ARMC2: variants seen among roughly 807,000 people sequenced by gnomAD.
ARMC2 encodes the protein armadillo repeat-containing protein 2.
ARMC2 carries 67 observed loss-of-function variants against 90.3 expected under a neutral mutation model. The observed-to-expected ratio is 0.74, with a 90% CI of 0.61 to 0.91. The LOEUF is 0.91. Among genes scored for constraint, ARMC2 ranks in the 40% least tolerant of loss-of-function variants. The pLI, the probability that ARMC2 is intolerant of heterozygous loss-of-function variation, is 0.00. For missense variants in ARMC2, 920 were observed against 1,030.9 expected (o/e 0.89, Z 1.47); for synonymous variants, 393 against 393.0 (o/e 1.00, Z 0.00).
intron 5 of ARMC2, among the ~76,000 whole-genome samples, chr6:108,890,867 T>C (rs2478997): frequency 0.19 from 29,230 of 151,860 alleles, 3,547 homozygotes; most frequent in East Asian, 0.34. Context: ...CAGCCCATCG[T>C]CTACATTAGG....
At chr6:108,957,847 G>A (rs1237531466) in intron 13 of ARMC2, among the ~76,000 whole-genome samples, 2 of 152,094 alleles carry the variant, frequency 1.3e-5, no homozygotes, top group African/African-American at 4.8e-5. Context: ...AATTATAGAG[G>A]GTAGGATGGT....
At chr6:108,994,110 A>G in the ARMC2 span, among the ~76,000 whole-genome samples, 1 of 149,016 alleles carries the variant, frequency 6.7e-6, no homozygotes, top group Non-Finnish European at 1.5e-5. Flanking sequence ...ACTGCACTTC[A>G]GCCTGGCAAC....
chr6:108,919,222 C>T (rs1234769085), intron 10 of ARMC2, among the ~76,000 whole-genome samples: 1 of 152,176 alleles, frequency 6.6e-6, no homozygotes, highest in African/African-American at 2.4e-5. Flanking sequence ...TGGCCGGGGT[C>T]TTTTAACTCT....
chr6:108,990,779 C>T, the ARMC2 span: 1 of 1,614,048 alleles, frequency 6.2e-7, no homozygotes, highest in East Asian at 2.2e-5. Flanking sequence ...TCAACTGTCC[C>T]ACATCTGGAT....
the ARMC2 span, among the ~76,000 whole-genome samples, chr6:109,033,074 G>GA: frequency 2.0e-5 from 3 of 152,130 alleles, no homozygotes; most frequent in Non-Finnish European, 4.4e-5. Context: ...GGATTCAGAG[G>GA]AGGGGAAAAA....
intron 1 of ARMC2, among the ~76,000 whole-genome samples, chr6:108,851,320 A>T (rs1020549440): frequency 9.2e-5 from 14 of 152,186 alleles, no homozygotes; most frequent in Non-Finnish European, 1.5e-5. Flanking sequence ...CTCTTCCAGG[A>T]AGTCTACCTG....
chr6:108,986,519 C>CAAAGT, the ARMC2 span: 1 of 152,648 alleles, frequency 6.6e-6, no homozygotes, highest in Non-Finnish European at 1.5e-5. Flanking sequence ...TTCCAGAATA[C>CAAAGT]AAAGTACTTA....
intron 12 of ARMC2, among the ~76,000 whole-genome samples, chr6:108,945,290 G>T (rs932608190): frequency 5.3e-5 from 8 of 152,026 alleles, no homozygotes; most frequent in Non-Finnish European, 1.2e-4. Flanking sequence ...AATACATTTG[G>T]GTTTGTTTTT....
intron 10 of ARMC2, among the ~76,000 whole-genome samples, chr6:108,912,973 G>C (rs2128473080): frequency 6.6e-6 from 1 of 152,312 alleles, no homozygotes; most frequent in Non-Finnish European, 1.5e-5. Flanking sequence ...GAAGGTAACG[G>C]GATTGAGTGG....
At chr6:108,976,558 T>C (rs1480797589), downstream of ARMC2, among the ~76,000 whole-genome samples, 1 of 152,228 alleles carries the variant, frequency 6.6e-6, no homozygotes, top group African/African-American at 2.4e-5. Context: ...AGTGGTAGCT[T>C]GATGGGGATA....
chr6:108,876,914 G>A (rs543166315), intron 5 of ARMC2, among the ~76,000 whole-genome samples: 2 of 152,188 alleles, frequency 1.3e-5, no homozygotes, highest in Non-Finnish European at 2.9e-5. Flanking sequence ...CCTAGATAGG[G>A]TTTCCTTGAG....
At chr6:108,850,662 A>T (rs1773912844) in intron 1 of ARMC2, among the ~76,000 whole-genome samples, 1 of 152,254 alleles carries the variant, frequency 6.6e-6, no homozygotes, top group Admixed American at 6.5e-5. Flanking sequence ...AATTCACTGT[A>T]ACAAATATCT....
At chr6:108,881,380 T>C (rs1777567933) in intron 5 of ARMC2, among the ~76,000 whole-genome samples, 1 of 142,766 alleles carries the variant, frequency 7.0e-6, no homozygotes, top group African/African-American at 2.6e-5. Flanking sequence ...GTTTTGTTAC[T>C]TGGAACATTG....
At chr6:109,002,273 C>A in the ARMC2 span, 1 of 1,612,310 alleles carries the variant, frequency 6.2e-7, no homozygotes, top group Non-Finnish European at 8.5e-7. Flanking sequence ...TCACAAACAA[C>A]GTACCTCCTT....
chr6:108,951,229 C>T (rs1345800497), intron 12 of ARMC2, among the ~76,000 whole-genome samples: 1 of 152,194 alleles, frequency 6.6e-6, no homozygotes, highest in Non-Finnish European at 1.5e-5. Flanking sequence ...TTAGTCTTTG[C>T]CGTTTCCCCA....
chr6:109,026,809 A>C, the ARMC2 span, among the ~76,000 whole-genome samples: 1 of 152,026 alleles, frequency 6.6e-6, no homozygotes, highest in Non-Finnish European at 1.5e-5. Flanking sequence ...GGCCAGGTTT[A>C]ACTTCTTAAG....
At chr6:108,910,568 C>T (rs954447783) in intron 8 of ARMC2, among the ~76,000 whole-genome samples, 1 of 152,214 alleles carries the variant, frequency 6.6e-6, no homozygotes, top group African/African-American at 2.4e-5. Context: ...CTGGCAACCC[C>T]ACTGCCAGGT....
intron 4 of ARMC2, 139 bp from the exon 5 acceptor site, chr6:108,876,004 C>T (rs887587105): frequency 2.4e-5 from 18 of 753,742 alleles, no homozygotes; most frequent in Non-Finnish European, 3.7e-5. Flanking sequence ...AAGGCTTTGG[C>T]CATAAAATTC....
chr6:108,997,829 A>G, the ARMC2 span, among the ~76,000 whole-genome samples: 1 of 152,218 alleles, frequency 6.6e-6, no homozygotes, highest in Admixed American at 6.5e-5. Context: ...CACTACAACA[A>G]AAGAATGCAG....
Sources: allele counts gnomAD v4.1 joint callset (sites outside exome capture counted in the v4.1 genomes callset), GRCh38; gene constraint gnomAD v4.1.1; transcripts MANE v1.5; gene names NCBI Gene and HGNC (gene_info 2026-07-23, HGNC 2026-07-21).